The following TULP4 variants were observed in gnomAD, a reference collection of about 807,000 sequenced individuals.
The protein encoded by TULP4 is TUB like protein 4.
TULP4 carries 16 observed loss-of-function variants against 129.0 expected under a neutral mutation model. That is an observed-to-expected ratio of 0.12 (90% confidence interval 0.08 to 0.19). The LOEUF is 0.19. TULP4 is among the 10% of genes least tolerant of loss of function. TULP4 has a pLI of 1.00. For missense variants in TULP4, 1,842 were observed against 2,059.1 expected (o/e 0.89, Z 2.04); for synonymous variants, 998 against 854.0 (o/e 1.17, Z -2.94).
intron 1 of TULP4, among the ~76,000 whole-genome samples, chr6:158,380,910 A>AAAAAAAAGAAG (rs779845034): frequency 3.0e-5 from 4 of 135,134 alleles, no homozygotes; most frequent in East Asian, 2.0e-4. Flanking sequence ...AAAAAAAAAA[A>AAAAAAAAGAAG]AAGAAGAAGA....
chr6:158,357,126 C>T (rs558852721), intron 1 of TULP4, among the ~76,000 whole-genome samples: 42 of 152,334 alleles, frequency 2.8e-4, no homozygotes, highest in Admixed American at 6.5e-4. Flanking sequence ...GGGTGGGCAG[C>T]ACGGCCCCTA....
intron 6 of TULP4, among the ~76,000 whole-genome samples, chr6:158,463,033 C>T (rs1779476087): frequency 6.6e-6 from 1 of 152,166 alleles, no homozygotes; most frequent in Admixed American, 6.5e-5. Flanking sequence ...GGATTACAGG[C>T]ATGAGCCACC....
chr6:158,500,402 G>A (rs550404796), intron 12 of TULP4, among the ~76,000 whole-genome samples: 2 of 152,328 alleles, frequency 1.3e-5, no homozygotes, highest in South Asian at 4.1e-4. Context: ...GGAAGGGCCA[G>A]CTTAGCTTTT....
rs780896544 is a variant in TULP4 at position 158,314,116 on chromosome 6, C to G, written c.100C>G (p.Pro34Ala). ...GRVPKSEKEK[P>A]VCRRRYYEEG... Reference sequence around the variant, plus strand: ...TGTCCCCAAGAGTGAGAAGGAGAAGCCTGTGTGCAGGAGACGCTACTATGA... The same window carrying G: ...TGTCCCCAAGAGTGAGAAGGAGAAGGCTGTGTGCAGGAGACGCTACTATGA... Residue 34 changes from proline (P) to alanine (A), a missense_variant, in exon 1 of 14, where the codon CCT becomes GCT. Coordinates refer to ENST00000367097, the MANE Select transcript of TULP4 (RefSeq NM_020245.5). 16 of 1,614,054 alleles carry G rather than the reference C, an allele frequency of 9.9e-6. No homozygotes were observed. In the East Asian group the frequency reaches 1.3e-4, roughly 13 times the overall value.
intron 1 of TULP4, among the ~76,000 whole-genome samples, chr6:158,337,604 A>C (rs1039588552): frequency 6.6e-6 from 1 of 152,206 alleles, no homozygotes; most frequent in African/African-American, 2.4e-5. Flanking sequence ...AGTGAGTACA[A>C]GAAGAAATAC....
intron 1 of TULP4, among the ~76,000 whole-genome samples, chr6:158,258,803 T>G (rs2162358): frequency 0.33 from 49,801 of 151,934 alleles, 9,105 homozygotes; most frequent in Admixed American, 0.44. Flanking sequence ...TCAAATTTCT[T>G]TTTTAGTAAA....
At chr6:158,489,497 G>C in intron 8 of TULP4, 91 bp from the exon 9 acceptor site, 1 of 1,497,608 alleles carries the variant, frequency 6.7e-7, no homozygotes, top group Non-Finnish European at 9.2e-7. Flanking sequence ...GGCCTGTGGA[G>C]TCCGTCTGTC....
At chr6:158,232,769 C>T (rs1246545095) in intron 1 of TULP4, among the ~76,000 whole-genome samples, 2 of 152,180 alleles carry the variant, frequency 1.3e-5, no homozygotes, top group Admixed American at 6.5e-5. Context: ...CGAGCGGCTT[C>T]CCCGGCCGCG....
intron 1 of TULP4, among the ~76,000 whole-genome samples, chr6:158,336,144 T>C (rs1468096564): frequency 6.6e-6 from 1 of 152,180 alleles, no homozygotes; most frequent in Non-Finnish European, 1.5e-5. Context: ...TAGAAGAAAA[T>C]GGCACTGCAG....
Position 158,313,268 on chromosome 6 carries a change from C to A in TULP4, c.-749C>A. On this transcript the variant is annotated 5_prime_UTR_variant, in exon 1 of 14. Coordinates refer to ENST00000367097, the MANE Select transcript of TULP4 (RefSeq NM_020245.5). ...CAGTCCGATGGAGCCCTGCGTTCCC[C>A]GGGGACACAGGGCCAAGCTTTGAGG... 1 of 379,024 alleles carries A rather than the reference C, an allele frequency of 2.6e-6. No homozygotes were observed. The highest frequency in any genetic ancestry group is 4.7e-6 in the Non-Finnish European group (1 of 214,610). The allele number at this position is 379,024 out of a possible 1,614,324, so 23.5% of individuals were successfully genotyped here.
intron 1 of TULP4, among the ~76,000 whole-genome samples, chr6:158,392,348 G>A (rs1279184431): frequency 6.6e-6 from 1 of 152,196 alleles, no homozygotes; most frequent in Non-Finnish European, 1.5e-5. Flanking sequence ...TTCAAGATGA[G>A]ATTTGGGTGG....
chr6:158,331,959 G>A (rs1274106389), intron 1 of TULP4, among the ~76,000 whole-genome samples: 1 of 148,038 alleles, frequency 6.8e-6, no homozygotes, highest in Non-Finnish European at 1.5e-5. Flanking sequence ...ATTACCCGAG[G>A]TCAGGAATTC....
intron 1 of TULP4, among the ~76,000 whole-genome samples, chr6:158,236,699 C>T (rs1360107025): frequency 6.7e-6 from 1 of 150,156 alleles, no homozygotes; most frequent in East Asian, 2.0e-4. Context: ...CCTGGAAAAC[C>T]TTAGATAAGG....
At position 158,338,086 on chromosome 6, in the gene TULP4, G is replaced by C. The variant is rs1404232091; in HGVS notation, c.252+23818G>C. ...AACAGTCAAGTTACTGGTCTCTATGGTAACAGTCTTCAGAGCACCTGATGG... is the reference window on the plus strand; with the variant it reads ...AACAGTCAAGTTACTGGTCTCTATGCTAACAGTCTTCAGAGCACCTGATGG... On this transcript the variant is annotated intron_variant, in intron 1 of 13. Transcript: ENST00000367097. Among the ~76,000 whole-genome samples the C allele has an allele frequency of 7.9e-5, 12 of 152,274 alleles. No homozygotes were observed. In the East Asian group the frequency reaches 2.3e-3, roughly 29 times the overall value.
intron 1 of TULP4, among the ~76,000 whole-genome samples, chr6:158,381,633 G>A (rs1051479527): frequency 1.3e-5 from 2 of 152,142 alleles, no homozygotes; most frequent in African/African-American, 2.4e-5. Context: ...TTAGAATTGC[G>A]GATTGTGTTT....
chr6:158,457,935 T>A (rs1054428988), intron 5 of TULP4, among the ~76,000 whole-genome samples: 8 of 147,454 alleles, frequency 5.4e-5, no homozygotes, highest in Non-Finnish European at 1.0e-4. Context: ...GAAAAAAAAA[T>A]GTACCTGTTA....
chr6:158,401,856 G>C (rs62437410), intron 1 of TULP4, among the ~76,000 whole-genome samples: 33,911 of 151,034 alleles, frequency 0.22, 4,770 homozygotes, highest in Middle Eastern at 0.33. Flanking sequence ...TTATAATTTT[G>C]AGTGATCATT....
At chr6:158,309,510 C>T (rs374818232), upstream of TULP4, among the ~76,000 whole-genome samples, 1 of 151,958 alleles carries the variant, frequency 6.6e-6, no homozygotes, top group Non-Finnish European at 1.5e-5. Context: ...AGAGGCTGCA[C>T]TCTCGGCGCT....
Position 158,299,775 on chromosome 6 carries a change from A to G in TULP4, n.117-12276A>G, listed in dbSNP as rs190014560. Among the ~76,000 whole-genome samples, 13 of 152,304 alleles carry G rather than the reference A, an allele frequency of 8.5e-5. No individual in the cohort carries two copies. In the East Asian group the frequency reaches 2.3e-3, roughly 27 times the overall value. ...AGGTGAGAGATTGAATAAGTGGGGG[A>G]AAAAGCACATAAGCCTAATAAGAAT... On this transcript the variant is annotated intron_variant and non_coding_transcript_variant, in intron 1 of 1. Transcript: ENST00000432358.
Sources: gnomAD v4.1 joint callset for allele counts (sites outside exome capture counted in the v4.1 genomes callset) on GRCh38, gnomAD v4.1.1 for gene constraint, MANE v1.5 for transcripts, NCBI Gene and HGNC (gene_info 2026-07-23, HGNC 2026-07-21) for gene names.